TBC1D1: variants seen among roughly 807,000 people sequenced by gnomAD.
TBC1D1 encodes the protein TBC1 (tre-2/USP6, BUB2, cdc16) domain family, member 1.
Under a neutral mutation model 125.6 loss-of-function variants are expected in TBC1D1, and 89 were observed. The ratio of observed to expected loss-of-function variants is 0.71; its 90% CI spans 0.60 to 0.85. The LOEUF (loss-of-function observed/expected upper bound fraction) is 0.85, where lower values mean the gene tolerates loss of function less well. Among genes scored for constraint, TBC1D1 ranks in the 40% least tolerant of loss-of-function variants. The probability of loss-of-function intolerance (pLI) is 0.00; values close to 1 mark genes in which losing one functional copy is unlikely to be tolerated. For missense variants in TBC1D1, 1,377 were observed against 1,469.2 expected, an observed-to-expected ratio of 0.94 and a Z score of 1.03; for synonymous variants, 565 against 564.1, an observed-to-expected ratio of 1.00 and a Z score of -0.02.
At chr4:37,912,682 T>TA (rs1394041322) in intron 2 of TBC1D1, among the ~76,000 whole-genome samples, 1 of 152,174 alleles carries the variant, frequency 6.6e-6, no homozygotes, top group African/African-American at 2.4e-5. Flanking sequence ...TATGATCCTA[T>TA]AAAAGAGGCT....
chr4:38,000,741 C>G (rs1738888037), intron 2 of TBC1D1, among the ~76,000 whole-genome samples: 1 of 152,170 alleles, frequency 6.6e-6, no homozygotes, highest in Admixed American at 6.5e-5. Flanking sequence ...AATTCTGACA[C>G]TAACAACCTG....
chr4:37,965,456 G>A (rs1730882287), intron 2 of TBC1D1, among the ~76,000 whole-genome samples: 1 of 152,166 alleles, frequency 6.6e-6, no homozygotes, highest in African/African-American at 2.4e-5. Flanking sequence ...AAAACATCTG[G>A]CATGCAGTAA....
At chr4:38,128,668 G>A (rs1765059625) in intron 18 of TBC1D1, among the ~76,000 whole-genome samples, 1 of 152,226 alleles carries the variant, frequency 6.6e-6, no homozygotes, top group Admixed American at 6.5e-5. Flanking sequence ...GGGCTCTGGA[G>A]CTCTGGCTCA....
rs150304217 is a variant in TBC1D1, at chr4:37,956,131, A to G, written c.417+53619A>G. On this transcript the variant is annotated intron_variant, in intron 2 of 19. Transcript: ENST00000261439. ...AACATCTGCCTCCCAGGTTCAAGCC[A>G]TCCTCCCACCTCAGCCTTCTGAGTA... Among the ~76,000 whole-genome samples, 1,401 of 151,688 alleles carry G rather than the reference A, an allele frequency of 9.2e-3. 21 individuals are homozygous for G. The highest frequency in any genetic ancestry group is 0.032 in the African/African-American group (1,305 of 41,292).
At chr4:38,089,574 A>G (rs964197467) in intron 12 of TBC1D1, among the ~76,000 whole-genome samples, 2 of 152,232 alleles carry the variant, frequency 1.3e-5, no homozygotes, top group African/African-American at 4.8e-5. Flanking sequence ...ATTGTATATA[A>G]AGCTCTGAGA....
At chr4:38,072,965 C>CT (rs780877101) in intron 12 of TBC1D1, among the ~76,000 whole-genome samples, 26 of 151,838 alleles carry the variant, frequency 1.7e-4, no homozygotes, top group Admixed American at 1.2e-3. Flanking sequence ...TTTTTTCCGC[C>CT]TTTTTTTTGA....
rs1400274752 is a variant in TBC1D1 at position 38,115,897 on chromosome 4, T to G, written c.2745T>G (p.Phe915Leu). The G allele has an allele frequency of 6.2e-7, 1 of 1,614,216 alleles. No individual in the cohort carries two copies. The highest frequency in any genetic ancestry group is 8.5e-7 in the Non-Finnish European group (1 of 1,180,032). The change falls in exon 16 of 20, where the codon TTT becomes TTG. Residue 915 changes from phenylalanine (F) to leucine (L), a missense_variant. Transcript: ENST00000261439. The stretch of plus-strand genomic sequence containing the variant: ...AAGAGGCGTTTAAAATGCTCAAGTT[T>G]CTGATGTTTGACATGGGGCTGCGGA...
intron 2 of TBC1D1, among the ~76,000 whole-genome samples, chr4:37,972,455 T>C (rs1348345036): frequency 8.0e-6 from 1 of 124,492 alleles, no homozygotes; most frequent in African/African-American, 3.2e-5. Flanking sequence ...CACTCCAGCC[T>C]GGGCAACAAA....
intron 11 of TBC1D1, among the ~76,000 whole-genome samples, chr4:38,052,362 C>CA (rs1242098069): frequency 3.4e-5 from 5 of 148,978 alleles, no homozygotes; most frequent in Non-Finnish European, 5.9e-5. Flanking sequence ...GACAGGGTCT[C>CA]ACTCTGTTCC....
intron 2 of TBC1D1, among the ~76,000 whole-genome samples, chr4:37,925,171 C>A (rs1721811836): frequency 6.6e-6 from 1 of 152,236 alleles, no homozygotes; most frequent in Non-Finnish European, 1.5e-5. Flanking sequence ...CACGTCATAC[C>A]TAGTGTTCTC....
At chr4:38,067,145 G>C (rs1046347057) in intron 12 of TBC1D1, among the ~76,000 whole-genome samples, 1 of 152,188 alleles carries the variant, frequency 6.6e-6, no homozygotes, top group East Asian at 1.9e-4. Context: ...AAAGTGCTGG[G>C]ATTACAGGTG....
At chr4:37,986,824 G>T (rs954905321) in intron 2 of TBC1D1, among the ~76,000 whole-genome samples, 12 of 141,562 alleles carry the variant, frequency 8.5e-5, no homozygotes, top group African/African-American at 3.0e-4. Flanking sequence ...GGAAGCCTGA[G>T]TAGTCGGGTT....
In TBC1D1 at chr4:38,044,509, C is replaced by T; in HGVS notation, c.1542+19C>T. On this transcript the variant is annotated intron_variant, in intron 9 of 19. Coordinates refer to ENST00000261439, the MANE Select transcript of TBC1D1 (RefSeq NM_015173.4). ...GTCCCGGGTAAGTAGCATAATTTCTCCTGATTTAAGTTAAATCACTTTTTA... is the reference window on the plus strand; with the variant it reads ...GTCCCGGGTAAGTAGCATAATTTCTTCTGATTTAAGTTAAATCACTTTTTA... 1.3e-6 allele frequency: 2 copies of T among 1,598,028 alleles called. No individual in the cohort carries two copies. Among genetic ancestry groups the T allele is most frequent in the African/African-American group, 1.3e-5 (1 of 74,100 alleles).
intron 15 of TBC1D1, chr4:38,112,135 C>T (rs1211484795): frequency 2.1e-6 from 2 of 943,668 alleles, no homozygotes; most frequent in Non-Finnish European, 2.5e-6. Flanking sequence ...GTGGGGTGTA[C>T]AGGTGTTTTG....
At chr4:38,017,911 C>T (rs764223015) in intron 3 of TBC1D1, among the ~76,000 whole-genome samples, 1 of 152,160 alleles carries the variant, frequency 6.6e-6, no homozygotes, top group African/African-American at 2.4e-5. Context: ...TGAAAAGGTC[C>T]GGTCACTAGT....
intron 2 of TBC1D1, among the ~76,000 whole-genome samples, chr4:37,997,463 G>T (rs965479315): frequency 6.6e-6 from 1 of 152,164 alleles, no homozygotes; most frequent in African/African-American, 2.4e-5. Context: ...ATCCTAAGAT[G>T]AAGATTTTTT....
chr4:37,900,183 A>G (rs1290438887), intron 1 of TBC1D1, among the ~76,000 whole-genome samples: 1 of 151,956 alleles, frequency 6.6e-6, no homozygotes, highest in African/African-American at 2.4e-5. Flanking sequence ...AATTCGTCAG[A>G]GCAAACAAGG....
chr4:37,896,004 T>A (rs546007477), intron 1 of TBC1D1, among the ~76,000 whole-genome samples: 1 of 152,246 alleles, frequency 6.6e-6, no homozygotes, highest in South Asian at 2.1e-4. Flanking sequence ...GTACTTCAGG[T>A]TGCAGTATAA....
chr4:38,053,195 A>G (rs1751062995), intron 11 of TBC1D1: 3 of 1,526,668 alleles, frequency 2.0e-6, no homozygotes, highest in Non-Finnish European at 2.6e-6. Context: ...GTAGATGAAA[A>G]TAACACCTCT....
Sources: gnomAD v4.1 joint callset for allele counts (sites outside exome capture counted in the v4.1 genomes callset) on GRCh38, gnomAD v4.1.1 for gene constraint, MANE v1.5 for transcripts, NCBI Gene and HGNC (gene_info 2026-07-23, HGNC 2026-07-21) for gene names.